Variants in CEACAM3 observed in about 807,000 individuals in gnomAD.
CEACAM3 encodes the protein cell adhesion molecule CEACAM3.
In CEACAM3, 32 loss-of-function variants were observed where a neutral mutation model predicts 30.1. The ratio of observed to expected loss-of-function variants is 1.06; its 90% CI spans 0.80 to 1.43. The LOEUF is 1.43. Ranked by LOEUF, CEACAM3 falls within the 40% of genes most tolerant of loss-of-function variation. CEACAM3 has a pLI of 0.00. For synonymous variants in CEACAM3, 134 were observed against 127.2 expected (o/e 1.05, Z -0.36); for missense variants, 290 against 316.3 (o/e 0.92, Z 0.63).
At chr19:41,803,752 C>CG (rs2073175667) in intron 2 of CEACAM3, among the ~76,000 whole-genome samples, 1 of 93,528 alleles carries the variant, frequency 1.1e-5, no homozygotes, top group Non-Finnish European at 2.9e-5. Context: ...AGGCATGAGC[C>CG]ACCATGCCCG....
At chr19:41,809,936 C>A (rs1173417056) in intron 3 of CEACAM3, 29 bp from the exon 4 acceptor site, 1 of 1,612,746 alleles carries the variant, frequency 6.2e-7, no homozygotes, top group Non-Finnish European at 8.5e-7. Flanking sequence ...TAACCTGGCA[C>A]CCTCCCAAAT....
At position 41,797,794 on chromosome 19, in the gene CEACAM3, C is replaced by T. The variant is rs557361443; in HGVS notation, c.270C>T (p.Thr90=). Reference sequence around the variant, plus strand: ...ATGTAATAGGAACTCAACAAGCTACCCCAGGGGCCGCATACAGCGGTCGAG... The same window carrying T: ...ATGTAATAGGAACTCAACAAGCTACTCCAGGGGCCGCATACAGCGGTCGAG... ...VGYVIGTQQA[T]PGAAYSGRET... Residue 90 remains threonine, a synonymous_variant, in exon 2 of 7, where the codon ACC becomes ACT. Transcript: ENST00000357396. The T allele has an allele frequency of 2.5e-6, 4 of 1,612,270 alleles. No homozygotes were observed. The highest frequency in any genetic ancestry group is 2.7e-5 in the African/African-American group (2 of 73,236).
Position 41,796,635 on chromosome 19 carries a change from A to G in CEACAM3, c.-43A>G, listed in dbSNP as rs782012648. 1 of 1,606,194 alleles carries G rather than the reference A, an allele frequency of 6.2e-7. No individual in the cohort carries two copies. The highest frequency in any genetic ancestry group is 1.1e-5 in the South Asian group (1 of 90,920). On this transcript the variant is annotated 5_prime_UTR_variant, in exon 1 of 7. Transcript: ENST00000357396. ...CCTGACTACAGCATTCCTGGAGCCC[A>G]GGCTCTTTTCCACAGAGGAGGAAAG...
intron 2 of CEACAM3, among the ~76,000 whole-genome samples, chr19:41,807,801 C>T (rs147694953): frequency 3.3e-5 from 5 of 152,340 alleles, no homozygotes; most frequent in African/African-American, 1.2e-4. Flanking sequence ...CACCATTTCC[C>T]CCCCAGACTC....
rs200927862 is a variant in CEACAM3 at position 41,798,004 on chromosome 19, T to C, written c.424+56T>C. 720 of 1,558,582 alleles carry C rather than the reference T, an allele frequency of 4.6e-4. 2 individuals carry two copies. The Middle Eastern group carries it at 4.8e-3, about 10-fold the overall frequency. ...GGGGGTCAGTTCTACTTCCCACATA[T>C]GGGATTGTCAGGCCTGGGCTGTGCC... On this transcript the variant is annotated intron_variant, in intron 2 of 6. Transcript: ENST00000357396.
chr19:41,805,623 C>G (rs1171390987), intron 2 of CEACAM3, among the ~76,000 whole-genome samples: 1 of 152,168 alleles, frequency 6.6e-6, no homozygotes. Flanking sequence ...AGTTTGACTA[C>G]TCTAGGGACC....
chr19:41,810,897 G>A lies in CEACAM3; in HGVS notation c.693G>A (p.Glu231=). 1 of 1,613,470 alleles carries A rather than the reference G, an allele frequency of 6.2e-7. No homozygotes were observed. Among genetic ancestry groups the A allele is most frequent in the Non-Finnish European group, 8.5e-7 (1 of 1,179,658 alleles). ...CCAGGACAGCAGCTTCCATCTATGAGGTGAGTGTGGGCCACGGATGTTCTG... is the reference window on the plus strand; with the variant it reads ...CCAGGACAGCAGCTTCCATCTATGAAGTGAGTGTGGGCCACGGATGTTCTG... ...PNPRTAASIY[E]ELLKHDTNIY... Residue 231 remains glutamate (E), a splice_region_variant and synonymous_variant, in exon 6 of 7, where the codon GAG becomes GAA. Transcript: ENST00000357396.
At chr19:41,805,792 T>C (rs531470509) in intron 2 of CEACAM3, among the ~76,000 whole-genome samples, 52 of 152,354 alleles carry the variant, frequency 3.4e-4, no homozygotes, top group African/African-American at 1.3e-3. Context: ...GCCAGCAGCT[T>C]CATGCTCCCT....
chr19:41,797,688 T>C lies in CEACAM3; in HGVS notation c.164T>C (p.Val55Ala). The change falls in exon 2 of 7, where the codon GTC becomes GCC. Residue 55 changes from valine to alanine, a missense_variant. Transcript: ENST00000357396. ...GAGGGGAAGGAGGTGCTTCTACTTGTCCACAATCTGCCCCAGCATCTTTTT... is the reference window on the plus strand; with the variant it reads ...GAGGGGAAGGAGGTGCTTCTACTTGCCCACAATCTGCCCCAGCATCTTTTT... ...VAEGKEVLLL[V>A]HNLPQHLFGY... The C allele has an allele frequency of 1.2e-6, 2 of 1,614,066 alleles. No homozygotes were observed. The highest frequency in any genetic ancestry group is 1.7e-6 in the Non-Finnish European group (2 of 1,179,992).
In CEACAM3 at chr19:41,811,413, A is replaced by C. The variant is rs2073249808; in HGVS notation, c.*176A>C. On this transcript the variant is annotated 3_prime_UTR_variant, in exon 7 of 7. Transcript: ENST00000357396. ...CTGATGAATATCTGGAGACCTCGAC[A>C]GCCTGCCCTAGGCCCTGGGTGGGTC... 1.6e-6 allele frequency: 1 copy of C among 616,768 alleles called. No individual in the cohort carries two copies. Among genetic ancestry groups the C allele is most frequent in the Non-Finnish European group, 2.9e-6 (1 of 345,820 alleles). 38.2% of individuals were successfully genotyped at this position (616,768 alleles called of 1,614,324 possible). A position where few individuals can be genotyped will look rare whatever the true frequency, so the allele number is the denominator to read the frequency against.
chr19:41,807,805 C>CA (rs1371406837), intron 2 of CEACAM3, among the ~76,000 whole-genome samples: 12 of 152,230 alleles, frequency 7.9e-5, no homozygotes, highest in African/African-American at 2.9e-4. Flanking sequence ...ATTTCCCCCC[C>CA]AGACTCCTAT....
chr19:41,803,470 G>GA (rs2073171505), intron 2 of CEACAM3, among the ~76,000 whole-genome samples: 1 of 130,742 alleles, frequency 7.6e-6, no homozygotes, highest in African/African-American at 2.8e-5. Context: ...TGTTTTGTTT[G>GA]TTTTTTTTTT....
chr19:41,807,375 C>G, intron 2 of CEACAM3: 2 of 1,601,788 alleles, frequency 1.2e-6, no homozygotes, highest in Non-Finnish European at 1.7e-6. Flanking sequence ...GACCCAGTCA[C>G]GCTGAATGTC....
At chr19:41,805,597 A>C (rs2073192303) in intron 2 of CEACAM3, among the ~76,000 whole-genome samples, 1 of 151,310 alleles carries the variant, frequency 6.6e-6, no homozygotes, top group African/African-American at 2.4e-5. Flanking sequence ...TCTGCATTCT[A>C]CTCTCTGATT....
chr19:41,797,555 G>A (rs367548029), intron 1 of CEACAM3, 34 bp from the exon 2 acceptor site: 1 of 1,592,342 alleles, frequency 6.3e-7, no homozygotes, highest in East Asian at 2.2e-5. Flanking sequence ...CAATACATGG[G>A]TCCCAATATT....
chr19:41,807,025 T>C (rs112076627), intron 2 of CEACAM3: 1 of 1,562,348 alleles, frequency 6.4e-7, no homozygotes, highest in East Asian at 2.3e-5. Flanking sequence ...GGCCAAAGAA[T>C]AGGAGATGTT....
chr19:41,808,643 G>A (rs1030707727), intron 2 of CEACAM3, among the ~76,000 whole-genome samples, 170 bp from the exon 3 acceptor site: 2 of 152,198 alleles, frequency 1.3e-5, no homozygotes, highest in East Asian at 3.9e-4. Flanking sequence ...GCAGAAAATG[G>A]TGCCACCATG....
At chr19:41,806,005 T>G (rs1166637988) in intron 2 of CEACAM3, among the ~76,000 whole-genome samples, 3 of 43,382 alleles carry the variant, frequency 6.9e-5, no homozygotes, top group African/African-American at 1.2e-4. Flanking sequence ...GTTGTTGTTG[T>G]TTGTTGTTGT....
chr19:41,809,999 C>A lies in CEACAM3; in HGVS notation c.577C>A (p.Pro193Thr), dbSNP rs201990036. The A allele has an allele frequency of 6.8e-6, 11 of 1,613,968 alleles. No homozygotes were observed. The East Asian group carries it at 1.8e-4, about 26-fold the overall frequency. Residue 193 changes from proline (P) to threonine (T), a missense_variant, in exon 4 of 7, where the codon CCC (proline) becomes ACC (threonine). Physicochemically the swap from Pro to Thr is conservative, Grantham distance 38 (BLOSUM62 -1). Coordinates refer to ENST00000357396, the MANE Select transcript of CEACAM3 (RefSeq NM_001815.5). ...SIQRDLKEQQPQALAPGRGPS... is the reference protein window; with the variant it reads ...SIQRDLKEQQTQALAPGRGPS... ...CCAGCGTGACCTCAAGGAGCAGCAGCCCCAAGCCCTTGCCCCTGGTGAGTG... is the reference window on the plus strand; with the variant it reads ...CCAGCGTGACCTCAAGGAGCAGCAGACCCAAGCCCTTGCCCCTGGTGAGTG...
Sources: allele counts gnomAD v4.1 joint callset (sites outside exome capture counted in the v4.1 genomes callset), GRCh38; gene constraint gnomAD v4.1.1; transcripts MANE v1.5; gene names NCBI Gene and HGNC (gene_info 2026-07-23, HGNC 2026-07-21).